The following INTS9 variants were observed in gnomAD, a reference collection of about 807,000 sequenced individuals.
The protein encoded by INTS9 is integrator complex subunit 9, also known as protein related to CPSF subunits of 74 kDa.
Under a neutral mutation model 79.7 loss-of-function variants are expected in INTS9, and 55 were observed. The observed-to-expected ratio is 0.69, with a 90% confidence interval of 0.56 to 0.86. INTS9 has a LOEUF of 0.86. INTS9 is among the 40% of genes least tolerant of loss of function. The pLI is 0.00. For synonymous variants in INTS9, 319 were observed against 325.2 expected, an observed-to-expected ratio of 0.98 and a Z score of 0.20; for missense variants, 721 against 831.5, an observed-to-expected ratio of 0.87 and a Z score of 1.64.
chr8:28,880,131 A>G lies in INTS9; in HGVS notation c.9+9743T>C, dbSNP rs113827798. ...TACTGCTTTTTACCCATATTTCCACATGCTGGAAAAAAATAGAGGAAAGAA... is the reference window on the plus strand; with the variant it reads ...TACTGCTTTTTACCCATATTTCCACGTGCTGGAAAAAAATAGAGGAAAGAA... On this transcript the variant is annotated intron_variant, in intron 1 of 16. Coordinates refer to ENST00000521022, the MANE Select transcript of INTS9 (RefSeq NM_018250.4). Among the ~76,000 whole-genome samples the G allele has an allele frequency of 4.6e-3, 692 of 151,958 alleles. 7 individuals carry two copies. The highest frequency in any genetic ancestry group is 0.015 in the African/African-American group (634 of 41,554).
At chr8:28,859,089 C>T (rs560757980) in intron 2 of INTS9, among the ~76,000 whole-genome samples, 72 of 151,990 alleles carry the variant, frequency 4.7e-4, no homozygotes, top group African/African-American at 1.6e-3. Context: ...TCTGCAAAGG[C>T]TGCTAAATAA....
At chr8:28,838,931 G>T (rs1291941971) in intron 4 of INTS9, among the ~76,000 whole-genome samples, 1 of 152,144 alleles carries the variant, frequency 6.6e-6, no homozygotes, top group Admixed American at 6.5e-5. Flanking sequence ...TACCTAACAA[G>T]CCTTGGTGTG....
intron 4 of INTS9, among the ~76,000 whole-genome samples, chr8:28,845,656 T>C (rs981969726): frequency 6.6e-6 from 1 of 152,212 alleles, no homozygotes; most frequent in African/African-American, 2.4e-5. Flanking sequence ...ATTAGGAATC[T>C]TCAAACAGAT....
At chr8:28,790,359 C>T (rs918810520) in intron 10 of INTS9, among the ~76,000 whole-genome samples, 1 of 152,192 alleles carries the variant, frequency 6.6e-6, no homozygotes, top group Admixed American at 6.5e-5. Context: ...AAAAGGGTGC[C>T]TTACAGCAAG....
intron 11 of INTS9, among the ~76,000 whole-genome samples, chr8:28,786,300 G>A (rs74591301): frequency 0.11 from 15,018 of 134,584 alleles, 951 homozygotes; most frequent in South Asian, 0.3. Flanking sequence ...TTTTTTTTTT[G>A]AGACAGGGTC....
At chr8:28,851,538 C>T (rs554644707) in intron 2 of INTS9, among the ~76,000 whole-genome samples, 27 of 151,952 alleles carry the variant, frequency 1.8e-4, no homozygotes, top group East Asian at 5.9e-4. Flanking sequence ...CCCGGGTCCA[C>T]GCCATTCTCC....
At chr8:28,872,631 C>T (rs1809157765) in intron 1 of INTS9, among the ~76,000 whole-genome samples, 1 of 152,048 alleles carries the variant, frequency 6.6e-6, no homozygotes. Flanking sequence ...TTCCTCCTTC[C>T]TACTGACTAG....
intron 8 of INTS9, 98 bp downstream of exon 8, chr8:28,812,229 T>C (rs1805191973): frequency 4.1e-6 from 5 of 1,231,676 alleles, no homozygotes; most frequent in Non-Finnish European, 4.6e-6. Context: ...AAAACCATAT[T>C]TGGAAGATTT....
At chr8:28,779,026 C>T (rs1030391072) in intron 12 of INTS9, among the ~76,000 whole-genome samples, 7 of 152,204 alleles carry the variant, frequency 4.6e-5, no homozygotes, top group Admixed American at 2.0e-4. Flanking sequence ...GGAAATCACA[C>T]AGTCCTGATT....
chr8:28,780,839 A>G lies in INTS9; in HGVS notation c.1254T>C (p.Asn418=). The G allele has an allele frequency of 1.2e-6, 2 of 1,614,144 alleles. No individual in the cohort carries two copies. Among genetic ancestry groups the G allele is most frequent in the East Asian group, 2.2e-5 (1 of 44,884 alleles). Residue 418 remains asparagine, a synonymous_variant, in exon 12 of 17, where the codon AAT becomes AAC. Transcript: ENST00000521022. ...TTCACTTACCCGTGAATATGACGGT[A>G]TTGAGACTAGATTTTCCCCAGAGCT... is the stretch of plus-strand genomic sequence containing the variant. ...FMELWGKSSL[N]TVIFTEPDFS...
At chr8:28,807,783 A>G (rs1804890768) in intron 8 of INTS9, among the ~76,000 whole-genome samples, 1 of 152,226 alleles carries the variant, frequency 6.6e-6, no homozygotes, top group Non-Finnish European at 1.5e-5. Flanking sequence ...AGAAACTACA[A>G]AAGCTTTCCT....
chr8:28,873,650 G>C (rs1809209270), intron 1 of INTS9, among the ~76,000 whole-genome samples: 2 of 152,148 alleles, frequency 1.3e-5, no homozygotes, highest in South Asian at 4.1e-4. Flanking sequence ...TGCATATATA[G>C]GTAAAAATTC....
intron 1 of INTS9, among the ~76,000 whole-genome samples, chr8:28,881,684 G>T (rs1809825751): frequency 2.2e-5 from 3 of 133,404 alleles, no homozygotes; most frequent in African/African-American, 8.6e-5. Flanking sequence ...CCGGCCAGCC[G>T]CCCCGTCCGG....
intron 16 of INTS9, among the ~76,000 whole-genome samples, chr8:28,769,219 T>C (rs749673710): frequency 2.6e-5 from 4 of 152,240 alleles, no homozygotes; most frequent in African/African-American, 7.2e-5. Flanking sequence ...AGAAAGTTCA[T>C]AGAAATCTCC....
At chr8:28,773,325 A>G (rs946403320) in intron 14 of INTS9, among the ~76,000 whole-genome samples, 24 of 151,418 alleles carry the variant, frequency 1.6e-4, no homozygotes, top group South Asian at 4.2e-4. Flanking sequence ...TTAGCTGGGC[A>G]TGGTGGCGGG....
rs2131018705 is a variant in INTS9, at chr8:28,806,857, T to C, written c.744+5470A>G. The stretch of plus-strand genomic sequence containing the variant: ...GACAAAGCACTGAGTATCAAAAATG[T>C]AACAGAGTAAAATTATACTAAGAAA... On this transcript the variant is annotated intron_variant, in intron 8 of 16. Coordinates refer to ENST00000521022, the MANE Select transcript of INTS9 (RefSeq NM_018250.4). 1.3e-5 allele frequency among the ~76,000 whole-genome samples: 2 copies of C among 152,266 alleles called. 1 individual carries two copies. The highest frequency in any genetic ancestry group is 3.9e-4 in the East Asian group (2 of 5,186).
intron 6 of INTS9, among the ~76,000 whole-genome samples, chr8:28,815,401 A>T (rs775533585): frequency 1.3e-5 from 2 of 152,216 alleles, no homozygotes; most frequent in Non-Finnish European, 2.9e-5. Flanking sequence ...ATTAGAAATA[A>T]AAGAAAACAT....
Position 28,787,866 on chromosome 8 carries a change from T to G in INTS9, c.1061A>C (p.Lys354Thr). ...AAAAGGTGGTTCTGGAAGATACACC[T>G]TACTCTGTTTGTTGTGACAAAGCCT... Reference protein sequence around the residue: ...AEWLCHNKQSKVYLPEPPFPH... With the variant: ...AEWLCHNKQSTVYLPEPPFPH... The change falls in exon 11 of 17, where the codon AAG becomes ACG. Residue 354 changes from lysine to threonine, a missense_variant. Physicochemically the swap from Lys to Thr is moderately conservative, Grantham distance 78 (BLOSUM62 -1). Around this residue, in one of 3 missense-constraint regions of INTS9, gnomAD observed 149 missense variants for 223.7 expected, o/e 0.67. Transcript: ENST00000521022. The G allele has an allele frequency of 6.2e-7, 1 of 1,605,620 alleles. No individual in the cohort carries two copies. The highest frequency in any genetic ancestry group is 1.3e-5 in the African/African-American group (1 of 74,966).
chr8:28,821,886 C>G (rs1487308254), intron 6 of INTS9, among the ~76,000 whole-genome samples: 1 of 151,956 alleles, frequency 6.6e-6, no homozygotes, highest in Non-Finnish European at 1.5e-5. Flanking sequence ...CCTCCTGCCT[C>G]AGCTTCCAAA....
Sources: allele counts gnomAD v4.1 joint callset (sites outside exome capture counted in the v4.1 genomes callset), GRCh38; gene constraint gnomAD v4.1.1; regional missense constraint gnomAD v4.1.1; transcripts MANE v1.5; gene names NCBI Gene and HGNC (gene_info 2026-07-23, HGNC 2026-07-21).